Variants in EXOC4 observed in about 807,000 individuals in gnomAD.
EXOC4 encodes the protein SEC8-like 1.
Under a neutral mutation model 107.2 loss-of-function variants are expected in EXOC4, and 71 were observed. The observed-to-expected ratio is 0.66, with a 90% CI of 0.55 to 0.81. The LOEUF (loss-of-function observed/expected upper bound fraction) is 0.81, where lower values mean the gene tolerates loss of function less well. EXOC4 is among the 30% of genes least tolerant of loss of function. EXOC4 has a pLI of 0.00. For synonymous variants in EXOC4, 456 were observed against 441.2 expected, an observed-to-expected ratio of 1.03 and a Z score of -0.42; for missense variants, 1,108 against 1,189.6, an observed-to-expected ratio of 0.93 and a Z score of 1.01.
intron 10 of EXOC4, among the ~76,000 whole-genome samples, chr7:133,712,630 G>A (rs1794919219): frequency 6.6e-6 from 1 of 151,284 alleles, no homozygotes; most frequent in South Asian, 2.1e-4. Flanking sequence ...ATTTAAAAAG[G>A]GACTCAAACA....
At chr7:133,839,029 C>T (rs1797972924) in intron 11 of EXOC4, among the ~76,000 whole-genome samples, 1 of 152,142 alleles carries the variant, frequency 6.6e-6, no homozygotes, top group Non-Finnish European at 1.5e-5. Flanking sequence ...GGCATACATA[C>T]AATGAGTAGA....
At chr7:133,459,866 A>C (rs1196833819) in intron 7 of EXOC4, among the ~76,000 whole-genome samples, 1 of 152,218 alleles carries the variant, frequency 6.6e-6, no homozygotes, top group East Asian at 1.9e-4. Context: ...ATTAAAGTAT[A>C]CTTGAATCTA....
chr7:133,599,264 G>T (rs1801751865), intron 9 of EXOC4, among the ~76,000 whole-genome samples: 1 of 152,120 alleles, frequency 6.6e-6, no homozygotes, highest in African/African-American at 2.4e-5. Flanking sequence ...CTTAATAGAG[G>T]ACATGACTCT....
At chr7:133,465,249 T>C (rs1798699880) in intron 7 of EXOC4, among the ~76,000 whole-genome samples, 1 of 152,174 alleles carries the variant, frequency 6.6e-6, no homozygotes, top group Non-Finnish European at 1.5e-5. Flanking sequence ...ACAGAGAATA[T>C]ATTGAAGCTA....
Position 133,305,951 on chromosome 7 carries a change from C to T in EXOC4, c.546C>T (p.His182=), listed in dbSNP as rs754823356. 3.0e-5 allele frequency: 49 copies of T among 1,613,854 alleles called. No homozygotes were observed. The highest frequency in any genetic ancestry group is 4.0e-5 in the Non-Finnish European group (47 of 1,179,858). The stretch of plus-strand genomic sequence containing the variant: ...TGAGTGACCTTCGACTAGAGCTTCA[C>T]AGCAAGAAGATGAACCTTCACTTGG... ...EGLSDLRLEL[H]SKKMNLHLVL... Residue 182 remains histidine (H), a synonymous_variant, in exon 4 of 18, where the codon CAC becomes CAT. Coordinates refer to ENST00000253861, the MANE Select transcript of EXOC4 (RefSeq NM_021807.4).
At chr7:134,025,299 CT>C (rs1164364796) in intron 17 of EXOC4, among the ~76,000 whole-genome samples, 32 of 152,236 alleles carry the variant, frequency 2.1e-4, no homozygotes, top group Non-Finnish European at 4.0e-4. Context: ...ACAAACTTAA[CT>C]GTCTATCAAG....
chr7:134,069,310 T>TCCTCC (rs67106949), downstream of EXOC4, among the ~76,000 whole-genome samples: 242 of 130,222 alleles, frequency 1.9e-3, 7 homozygotes, highest in African/African-American at 6.9e-3. Flanking sequence ...TCCTCCTCCT[T>TCCTCC]TCTTCCTTCT....
intron 9 of EXOC4, among the ~76,000 whole-genome samples, chr7:133,522,010 A>G (rs1384240427): frequency 6.6e-6 from 1 of 152,002 alleles, no homozygotes; most frequent in African/African-American, 2.4e-5. Flanking sequence ...ACTGGATTTG[A>G]GTAGTTTATG....
chr7:133,963,329 T>C (rs902157064), intron 14 of EXOC4, among the ~76,000 whole-genome samples: 1 of 152,226 alleles, frequency 6.6e-6, no homozygotes, highest in African/African-American at 2.4e-5. Flanking sequence ...GAGTACATTT[T>C]AGGGTATACA....
In EXOC4 at chr7:133,305,815, T is replaced by C. The variant is rs1482677326; in HGVS notation, c.472-62T>C. 5 of 1,378,396 alleles carry C rather than the reference T, an allele frequency of 3.6e-6. No individual in the cohort carries two copies. In the African/African-American group the frequency reaches 5.9e-5, roughly 16 times the overall value. The allele number at this position is 1,378,396 out of a possible 1,614,324, so 85.4% of individuals were successfully genotyped here. A position where few individuals can be genotyped will look rare whatever the true frequency, so the allele number is the denominator to read the frequency against. The stretch of plus-strand genomic sequence containing the variant: ...GTATCTTTTTAAGACGTCTTTCTTA[T>C]TTATAATATTGCCAGGTTATTAAGT... On this transcript the variant is annotated intron_variant, in intron 3 of 17. Coordinates refer to ENST00000253861, the MANE Select transcript of EXOC4 (RefSeq NM_021807.4).
At chr7:133,791,125 T>C (rs564918583) in intron 10 of EXOC4, among the ~76,000 whole-genome samples, 1 of 152,302 alleles carries the variant, frequency 6.6e-6, no homozygotes, top group East Asian at 1.9e-4. Context: ...TCTTTTCCAC[T>C]GAGAATGGTG....
chr7:133,424,307 T>A (rs926606620), intron 7 of EXOC4, among the ~76,000 whole-genome samples: 3 of 152,154 alleles, frequency 2.0e-5, no homozygotes, highest in Non-Finnish European at 2.9e-5. Context: ...CCTTCACTCC[T>A]GAGGCCAGCG....
At chr7:133,548,814 G>T (rs1430572807) in intron 9 of EXOC4, among the ~76,000 whole-genome samples, 1 of 152,072 alleles carries the variant, frequency 6.6e-6, no homozygotes, top group African/African-American at 2.4e-5. Context: ...TAAAACTTTC[G>T]CCATGTAAGA....
chr7:133,946,833 AAG>A (rs1800562796), intron 14 of EXOC4, among the ~76,000 whole-genome samples: 1 of 152,208 alleles, frequency 6.6e-6, no homozygotes, highest in Non-Finnish European at 1.5e-5. Context: ...CTGATAACAC[AAG>A]AGTTACCCCT....
At chr7:134,086,078 A>C in the EXOC4 span, among the ~76,000 whole-genome samples, 1 of 152,216 alleles carries the variant, frequency 6.6e-6, no homozygotes, top group Non-Finnish European at 1.5e-5. Context: ...TAGTTCCAAG[A>C]ACTTAAGAAA....
At chr7:133,836,266 C>T (rs1202486716) in intron 11 of EXOC4, among the ~76,000 whole-genome samples, 1 of 152,100 alleles carries the variant, frequency 6.6e-6, no homozygotes, top group Non-Finnish European at 1.5e-5. Flanking sequence ...GGCTAGACTT[C>T]AATAGAATGT....
chr7:133,334,420 G>C (rs1015452965), intron 5 of EXOC4, among the ~76,000 whole-genome samples: 1 of 152,088 alleles, frequency 6.6e-6, no homozygotes, highest in Non-Finnish European at 1.5e-5. Flanking sequence ...ATACTTTGCT[G>C]TTTCACTCTA....
chr7:133,603,824 T>G (rs146597058), intron 9 of EXOC4, among the ~76,000 whole-genome samples: 123 of 152,298 alleles, frequency 8.1e-4, no homozygotes, highest in African/African-American at 2.8e-3. Flanking sequence ...TAGGCTACAC[T>G]TAATTTATAG....
intron 10 of EXOC4, among the ~76,000 whole-genome samples, chr7:133,716,710 A>G (rs926266161): frequency 9.2e-5 from 14 of 152,210 alleles, no homozygotes; most frequent in Admixed American, 9.2e-4. Context: ...TGGGAGGACA[A>G]GGCAGGCAGA....
Sources: gnomAD v4.1 joint callset for allele counts (sites outside exome capture counted in the v4.1 genomes callset) on GRCh38, gnomAD v4.1.1 for gene constraint, MANE v1.5 for transcripts, NCBI Gene and HGNC (gene_info 2026-07-23, HGNC 2026-07-21) for gene names.